The following SYNE1 variants were observed in gnomAD, a reference collection of about 807,000 sequenced individuals.
SYNE1 encodes nesprin-1.
A neutral mutation model predicts 1,111.0 loss-of-function variants in SYNE1; 616 were observed. The observed-to-expected ratio is 0.55, with a 90% CI of 0.52 to 0.59. SYNE1 has a LOEUF of 0.59. SYNE1 is among the 20% of genes least tolerant of loss of function. The pLI is 0.00. For synonymous variants in SYNE1, 3,855 were observed against 3,825.8 expected (o/e 1.01, Z -0.28); for missense variants, 10,006 against 10,417.0 (o/e 0.96, Z 1.72).
At chr6:152,137,836 T>C (rs556827861) in intron 140 of SYNE1, among the ~76,000 whole-genome samples, 2 of 152,344 alleles carry the variant, frequency 1.3e-5, no homozygotes, top group African/African-American at 4.8e-5. Flanking sequence ...AATACTTGAT[T>C]ATTCCACAGA....
chr6:152,598,729 C>G (rs1353201088), intron 3 of SYNE1, among the ~76,000 whole-genome samples: 1 of 152,178 alleles, frequency 6.6e-6, no homozygotes, highest in Admixed American at 6.5e-5. Context: ...ATTCTTGAAT[C>G]TGGGTAAGTC....
chr6:152,215,359 C>T (rs150048765), intron 121 of SYNE1, among the ~76,000 whole-genome samples: 172 of 152,250 alleles, frequency 1.1e-3, no homozygotes, highest in African/African-American at 3.8e-3. Context: ...ATGGTTTATA[C>T]ATACAAATAT....
chr6:152,269,024 T>C, intron 99 of SYNE1, 131 bp downstream of exon 99: 1 of 1,373,130 alleles, frequency 7.3e-7, no homozygotes, highest in Non-Finnish European at 1.0e-6. Flanking sequence ...ACATCTTGCT[T>C]CATTCAAAGA....
chr6:152,466,268 C>A (rs751882631), intron 16 of SYNE1, among the ~76,000 whole-genome samples, 190 bp from the exon 17 acceptor site: 1 of 152,168 alleles, frequency 6.6e-6, no homozygotes, highest in Admixed American at 6.5e-5. Context: ...ATTGATTCCA[C>A]GCTTTTGATT....
chr6:152,353,774 T>C (rs1393580469), intron 67 of SYNE1, 30 bp from the exon 68 acceptor site: 12 of 1,612,564 alleles, frequency 7.4e-6, no homozygotes, highest in Non-Finnish European at 1.0e-5. Flanking sequence ...AAGGGAAAGA[T>C]TCAATCTTAG....
chr6:152,324,651 A>G (rs577569648), intron 81 of SYNE1, among the ~76,000 whole-genome samples: 35 of 152,106 alleles, frequency 2.3e-4, no homozygotes, highest in East Asian at 2.0e-3. Context: ...AAAATTGGCC[A>G]GGCGTGGTGG....
At chr6:152,172,181 G>C (rs1400146053) in intron 130 of SYNE1, among the ~76,000 whole-genome samples, 2 of 152,178 alleles carry the variant, frequency 1.3e-5, no homozygotes, top group Admixed American at 1.3e-4. Context: ...GGGGAAGGAA[G>C]AGGAGGGAAG....
intron 55 of SYNE1, among the ~76,000 whole-genome samples, chr6:152,385,103 G>T (rs1019583229): frequency 2.0e-5 from 3 of 151,952 alleles, no homozygotes; most frequent in Non-Finnish European, 2.9e-5. Context: ...TTCCATGGGG[G>T]AAAATGATTA....
In SYNE1 at chr6:152,416,396, A is replaced by C. The variant is rs979704231; in HGVS notation, c.6041T>G (p.Leu2014Arg). The C allele has an allele frequency of 4.3e-6, 7 of 1,614,126 alleles. No individual in the cohort carries two copies. Among genetic ancestry groups the C allele is most frequent in the Non-Finnish European group, 5.9e-6 (7 of 1,180,046 alleles). The change falls in exon 41 of 146, where the codon CTT becomes CGT. Residue 2014 changes from leucine to arginine, a missense_variant. Around this residue, in one of 7 missense-constraint regions of SYNE1, gnomAD observed 4,955 missense variants for 5,017.2 expected, o/e 0.99. Coordinates refer to ENST00000367255, the MANE Select transcript of SYNE1 (RefSeq NM_182961.4). ...ACAGTTTCCTATTTACCTCTGCTGA[A>C]GAGCTTGGCGGGTAGGTTCTTTCAA... ...ERLKEPTRQALQQRLRVFNQL... is the reference protein window; with the variant it reads ...ERLKEPTRQARQQRLRVFNQL...
Position 152,615,754 on chromosome 6 carries a change from A to G in SYNE1, c.67+12511T>C, listed in dbSNP as rs574771000. Among the ~76,000 whole-genome samples, 3 of 152,368 alleles carry G rather than the reference A, an allele frequency of 2.0e-5. No homozygotes were observed. In the South Asian group the frequency reaches 6.2e-4, roughly 32 times the overall value. On this transcript the variant is annotated intron_variant, in intron 3 of 145. Coordinates refer to ENST00000367255, the MANE Select transcript of SYNE1 (RefSeq NM_182961.4). ...CAAAGAAGTGTCATACCATTAGAAC[A>G]CAAAATGATCTCAGAATATCTGACT...
intron 21 of SYNE1, among the ~76,000 whole-genome samples, chr6:152,459,525 G>C (rs1333900624): frequency 6.6e-6 from 1 of 152,166 alleles, no homozygotes; most frequent in Non-Finnish European, 1.5e-5. Context: ...ATTTATTCAT[G>C]AAGCTTCCCA....
At chr6:152,586,969 G>C (rs2099541584) in intron 3 of SYNE1, among the ~76,000 whole-genome samples, 1 of 152,052 alleles carries the variant, frequency 6.6e-6, no homozygotes. Context: ...AAGAAAATCG[G>C]TCTGTATTAG....
intron 106 of SYNE1, among the ~76,000 whole-genome samples, chr6:152,243,119 T>C (rs983095167): frequency 4.6e-5 from 7 of 152,228 alleles, no homozygotes; most frequent in Non-Finnish European, 8.8e-5. Context: ...CAATAGTTTA[T>C]GATAAGATGT....
Position 152,385,555 on chromosome 6 carries a change from T to A in SYNE1, c.8652+119A>T, listed in dbSNP as rs1016775155. ...GTTTATGTGTAGAATCAGTGAGGCA[T>A]CAAATAGAAAACAGGAAGGAAACAT... On this transcript the variant is annotated intron_variant, in intron 55 of 145. Transcript: ENST00000367255. 5.2e-6 allele frequency: 6 copies of A among 1,149,746 alleles called. No homozygotes were observed. The Admixed American group carries it at 7.9e-5, about 15-fold the overall frequency. The allele number at this position is 1,149,746 out of a possible 1,614,324, so 71.2% of individuals were successfully genotyped here. A position where few individuals can be genotyped will look rare whatever the true frequency, so the allele number is the denominator to read the frequency against.
At chr6:152,134,971 A>G in intron 142 of SYNE1, 133 bp downstream of exon 142, 1 of 1,207,664 alleles carries the variant, frequency 8.3e-7, no homozygotes, top group Non-Finnish European at 1.2e-6. Flanking sequence ...GAGTTAAAAA[A>G]GTGTAAAGTA....
At chr6:152,518,786 A>G (rs953532657) in intron 6 of SYNE1, among the ~76,000 whole-genome samples, 18 of 152,106 alleles carry the variant, frequency 1.2e-4, no homozygotes, top group African/African-American at 4.1e-4. Context: ...TATTAGTCTG[A>G]ACTAATGTTT....
chr6:152,297,992 A>G (rs1386316839), intron 93 of SYNE1, among the ~76,000 whole-genome samples: 1 of 152,208 alleles, frequency 6.6e-6, no homozygotes, highest in Non-Finnish European at 1.5e-5. Flanking sequence ...ACTAAAGTCA[A>G]TACTTGATGT....
At chr6:152,371,910 AAGGAAAGGAAAGGACAGGAC>A (rs1268628215) in intron 59 of SYNE1, among the ~76,000 whole-genome samples, 1,378 of 46,210 alleles carry the variant, frequency 0.03, 38 homozygotes, top group East Asian at 0.05. Flanking sequence ...AAGGAAAGGA[AAGGAAAGGAAAGGACAGGAC>A]AGGACAGGAA....
intron 18 of SYNE1, chr6:152,464,991 T>C (rs1242860076): frequency 6.0e-6 from 3 of 501,676 alleles, no homozygotes; most frequent in Non-Finnish European, 1.1e-5. Context: ...GCTGGGGCCC[T>C]AGACACTCCC....
Sources: gnomAD v4.1 joint callset for allele counts (sites outside exome capture counted in the v4.1 genomes callset) on GRCh38, gnomAD v4.1.1 for gene constraint, gnomAD v4.1.1 regional missense constraint, MANE v1.5 for transcripts, NCBI Gene and HGNC (gene_info 2026-07-23, HGNC 2026-07-21) for gene names.